Variants in MLXIP observed in about 807,000 individuals in gnomAD.
The protein encoded by MLXIP is MLX interacting protein.
In MLXIP, 30 loss-of-function variants were observed where a neutral mutation model predicts 87.2. The ratio of observed to expected loss-of-function variants is 0.34; its 90% CI spans 0.26 to 0.47. MLXIP has a LOEUF of 0.47. Among genes scored for constraint, MLXIP ranks in the 20% least tolerant of loss-of-function variants. The pLI, the probability that MLXIP is intolerant of heterozygous loss-of-function variation, is 1.00. For synonymous variants in MLXIP, 530 were observed against 514.0 expected (o/e 1.03, Z -0.42); for missense variants, 1,002 against 1,240.1 (o/e 0.81, Z 2.88).
In MLXIP at chr12:122,133,106, TG is replaced by T. The variant is rs1320694171; in HGVS notation, c.1093-241del. The T allele has an allele frequency of 2.1e-5, 9 of 438,588 alleles. No homozygotes were observed. Among genetic ancestry groups the T allele is most frequent in the Non-Finnish European group, 3.2e-5 (8 of 250,450 alleles). The allele number at this position is 438,588 out of a possible 1,614,324, so 27.2% of individuals were successfully genotyped here. ...AGATATTCCCAGGCTGCTAGCCAGC[TG>T]TGTGAGGGCCGTTGCCTTATCTGAG... On this transcript the variant is annotated intron_variant, in intron 8 of 16. Coordinates refer to ENST00000319080, the MANE Select transcript of MLXIP (RefSeq NM_014938.6). The surrounding 1 kb of genome is among the most constrained non-coding windows in gnomAD (Gnocchi z 4.9).
At chr12:122,129,790 C>A in intron 5 of MLXIP, 151 bp from the exon 6 acceptor site, 1 of 1,283,822 alleles carries the variant, frequency 7.8e-7, no homozygotes, top group Non-Finnish European at 1.1e-6. Flanking sequence ...CCTGGGTGGG[C>A]TGGAGGGAGC....
chr12:122,096,121 A>C (rs1428535365), intron 1 of MLXIP, among the ~76,000 whole-genome samples: 1 of 151,848 alleles, frequency 6.6e-6, no homozygotes, highest in Non-Finnish European at 1.5e-5. Context: ...TTTGTTGCCT[A>C]GGCTGGGCTG....
intron 9 of MLXIP, chr12:122,134,208 T>G (rs1045366863): frequency 1.1e-4 from 71 of 626,412 alleles, no homozygotes; most frequent in Non-Finnish European, 1.7e-4. Flanking sequence ...TTGTTTGGTT[T>G]TTTTTTTTTT....
intron 1 of MLXIP, among the ~76,000 whole-genome samples, chr12:122,089,788 T>C (rs1220507952): frequency 6.6e-6 from 1 of 152,236 alleles, no homozygotes; most frequent in Non-Finnish European, 1.5e-5. Flanking sequence ...CATTTTGTTT[T>C]CTTGACATGT....
rs138574168 is a variant in MLXIP at position 122,091,037 on chromosome 12, C to T, written c.413+11771C>T. ...TGAAAATGTTCTAAAATTAGGGTGG[C>T]GATGGTTACATAACTCTGAATATAC... On this transcript the variant is annotated intron_variant, in intron 1 of 16. Coordinates refer to ENST00000319080, the MANE Select transcript of MLXIP (RefSeq NM_014938.6). 5.1e-3 allele frequency among the ~76,000 whole-genome samples: 776 copies of T among 151,860 alleles called. 3 individuals carry two copies. The highest frequency in any genetic ancestry group is 6.0e-3 in the Non-Finnish European group (411 of 67,950).
At position 122,133,700 on chromosome 12, in the gene MLXIP, C is replaced by T. The variant is rs1953026853; in HGVS notation, c.1445C>T (p.Ser482Phe). Reference protein sequence around the residue: ...QKFAGVNKAPSVITHTASATL... With the variant: ...QKFAGVNKAPFVITHTASATL... Reference sequence around the variant, plus strand: ...TTTGCTGGAGTCAACAAAGCGCCGTCTGTCATCACCCACACGGCCTCTGCC... The same window carrying T: ...TTTGCTGGAGTCAACAAAGCGCCGTTTGTCATCACCCACACGGCCTCTGCC... Residue 482 changes from serine to phenylalanine, a missense_variant, in exon 9 of 17, where the codon TCT becomes TTT. Transcript: ENST00000319080. This position sits in a 1 kb window ranked among gnomAD's most constrained non-coding sequence, Gnocchi z 4.9. The T allele has an allele frequency of 6.2e-7, 1 of 1,613,778 alleles. No homozygotes were observed. The highest frequency in any genetic ancestry group is 8.5e-7 in the Non-Finnish European group (1 of 1,179,846).
At chr12:122,092,571 G>C (rs989756918) in intron 1 of MLXIP, among the ~76,000 whole-genome samples, 1 of 152,188 alleles carries the variant, frequency 6.6e-6, no homozygotes, top group Non-Finnish European at 1.5e-5. Context: ...AGGAGCTGGG[G>C]TGATGATTTT....
At chr12:122,122,953 A>C (rs1952808656) in intron 1 of MLXIP, among the ~76,000 whole-genome samples, 1 of 151,400 alleles carries the variant, frequency 6.6e-6, no homozygotes, top group Non-Finnish European at 1.5e-5. Context: ...TCAGCCCTCC[A>C]AGTGCTGGGA....
Position 122,129,728 on chromosome 12 carries a change from G to A in MLXIP, c.738+99G>A, listed in dbSNP as rs560979217. ...AGCCCTGCAAAAGGCGGCAGGCCAT[G>A]GGCCCTCCCTGGAGTCTCAGGAATG... is the stretch of plus-strand genomic sequence containing the variant. On this transcript the variant is annotated intron_variant, in intron 5 of 16. Coordinates refer to ENST00000319080, the MANE Select transcript of MLXIP (RefSeq NM_014938.6). The A allele has an allele frequency of 2.0e-6, 3 of 1,469,638 alleles. No individual in the cohort carries two copies. The East Asian group carries it at 7.2e-5, about 35-fold the overall frequency. The allele number at this position is 1,469,638 out of a possible 1,614,324, so 91.0% of individuals were successfully genotyped here. A position where few individuals can be genotyped will look rare whatever the true frequency, so the allele number is the denominator to read the frequency against.
intron 1 of MLXIP, among the ~76,000 whole-genome samples, chr12:122,093,433 G>A (rs1366092803): frequency 6.8e-6 from 1 of 147,212 alleles, no homozygotes; most frequent in Non-Finnish European, 1.5e-5. Flanking sequence ...TATGTGGGGT[G>A]TGTGTGTTGT....
intron 1 of MLXIP, among the ~76,000 whole-genome samples, chr12:122,116,846 G>A (rs1952699916): frequency 6.6e-6 from 1 of 152,210 alleles, no homozygotes; most frequent in South Asian, 2.1e-4. Context: ...GGGCCAGCCT[G>A]GGTGACGAGG....
chr12:122,110,674 G>A (rs1952591525), intron 1 of MLXIP, among the ~76,000 whole-genome samples: 2 of 152,000 alleles, frequency 1.3e-5, no homozygotes, highest in African/African-American at 2.4e-5. Context: ...GGGAGGCTGA[G>A]GTGGGAGGAT....
At chr12:122,123,518 G>A (rs1024902730) in intron 1 of MLXIP, among the ~76,000 whole-genome samples, 3 of 152,166 alleles carry the variant, frequency 2.0e-5, no homozygotes, top group Non-Finnish European at 4.4e-5. Context: ...TTCAGCTCAC[G>A]GAGAGGAAGA....
At chr12:122,118,780 G>A (rs568565956) in intron 1 of MLXIP, among the ~76,000 whole-genome samples, 18 of 151,940 alleles carry the variant, frequency 1.2e-4, no homozygotes, top group African/African-American at 3.4e-4. Flanking sequence ...CCCGGGAGGC[G>A]GAGGTTGCAG....
intron 4 of MLXIP, 111 bp downstream of exon 4, chr12:122,129,337 G>T: frequency 9.5e-7 from 1 of 1,053,752 alleles, no homozygotes; most frequent in South Asian, 1.4e-5. Flanking sequence ...CCTGAACGTG[G>T]AGCGTCAAGC....
chr12:122,090,538 G>A (rs987491194), intron 1 of MLXIP, among the ~76,000 whole-genome samples: 12 of 151,922 alleles, frequency 7.9e-5, no homozygotes, highest in African/African-American at 2.9e-4. Context: ...AAATAAGATG[G>A]ATTAATGGAT....
chr12:122,124,928 A>C (rs1301739363), intron 1 of MLXIP, among the ~76,000 whole-genome samples: 1 of 152,172 alleles, frequency 6.6e-6, no homozygotes, highest in Non-Finnish European at 1.5e-5. Context: ...GCACTTTGGG[A>C]GGCCGAGGCA....
chr12:122,090,389 C>T (rs1008928708), intron 1 of MLXIP, among the ~76,000 whole-genome samples: 4 of 151,820 alleles, frequency 2.6e-5, no homozygotes, highest in African/African-American at 7.3e-5. Flanking sequence ...CCCAGCTACT[C>T]GGGAGGCTGA....
intron 1 of MLXIP, among the ~76,000 whole-genome samples, chr12:122,117,520 C>G (rs1470720282): frequency 6.6e-6 from 1 of 152,234 alleles, no homozygotes; most frequent in Non-Finnish European, 1.5e-5. Flanking sequence ...TTCCTCCACT[C>G]CCTCATTGAA....
Sources: allele counts gnomAD v4.1 joint callset (sites outside exome capture counted in the v4.1 genomes callset), GRCh38; gene constraint gnomAD v4.1.1; non-coding constraint Gnocchi (gnomAD v3.1); transcripts MANE v1.5; gene names NCBI Gene and HGNC (gene_info 2026-07-23, HGNC 2026-07-21).